The following RGS6 variants were observed in gnomAD, a reference collection of about 807,000 sequenced individuals.
RGS6 encodes regulator of G protein signaling 6, also known as regulator of G-protein signaling 6.
A neutral mutation model predicts 78.5 loss-of-function variants in RGS6; 30 were observed. That is an observed-to-expected ratio of 0.38 (90% confidence interval 0.29 to 0.52). RGS6 has a LOEUF of 0.52. Among genes scored for constraint, RGS6 ranks in the 20% least tolerant of loss-of-function variants. The pLI, the probability that RGS6 is intolerant of heterozygous loss-of-function variation, is 0.85. For synonymous variants in RGS6, 206 were observed against 206.0 expected, an observed-to-expected ratio of 1.00 and a Z score of 0.00; for missense variants, 495 against 609.7, an observed-to-expected ratio of 0.81 and a Z score of 1.98.
chr14:72,186,284 GT>G (rs2097245265), intron 2 of RGS6, among the ~76,000 whole-genome samples: 1 of 152,222 alleles, frequency 6.6e-6, no homozygotes, highest in South Asian at 2.1e-4. Context: ...TTATTTCTAA[GT>G]GTATTTTGCT....
At chr14:72,427,346 T>C (rs1410743701) in intron 3 of RGS6, among the ~76,000 whole-genome samples, 1 of 152,188 alleles carries the variant, frequency 6.6e-6, no homozygotes, top group Non-Finnish European at 1.5e-5. Context: ...AAAAACATAG[T>C]ATATGTAGGA....
chr14:72,333,346 G>A (rs1227469586), intron 2 of RGS6, among the ~76,000 whole-genome samples: 1 of 152,212 alleles, frequency 6.6e-6, no homozygotes, highest in Non-Finnish European at 1.5e-5. Flanking sequence ...GCTCCTGCCT[G>A]AGTCACTGGG....
At chr14:72,577,024 A>T in the RGS6 span, among the ~76,000 whole-genome samples, 1 of 152,198 alleles carries the variant, frequency 6.6e-6, no homozygotes, top group African/African-American at 2.4e-5. Flanking sequence ...GGCTGCAGGA[A>T]GAGGGCCCCA....
At chr14:71,968,919 G>A (rs923831550) in intron 2 of RGS6, among the ~76,000 whole-genome samples, 12 of 152,238 alleles carry the variant, frequency 7.9e-5, no homozygotes, top group African/African-American at 2.6e-4. Flanking sequence ...TTGGTGTGCT[G>A]CACCCATTAA....
chr14:72,399,978 A>G (rs1425946437), intron 3 of RGS6, among the ~76,000 whole-genome samples: 1 of 152,228 alleles, frequency 6.6e-6, no homozygotes, highest in East Asian at 1.9e-4. Context: ...GATATTATCC[A>G]AGAGAACTTC....
intron 2 of RGS6, among the ~76,000 whole-genome samples, chr14:72,297,012 A>G (rs1029468459): frequency 6.6e-6 from 1 of 152,148 alleles, no homozygotes; most frequent in African/African-American, 2.4e-5. Context: ...TAGTCATTCC[A>G]GCTCAATTTC....
intron 2 of RGS6, among the ~76,000 whole-genome samples, chr14:72,316,442 T>A (rs2070239790): frequency 6.6e-6 from 1 of 152,202 alleles, no homozygotes; most frequent in Admixed American, 6.5e-5. Flanking sequence ...TGTGTCCAAG[T>A]GTTCTCATCA....
chr14:72,054,712 T>G (rs377165731), intron 2 of RGS6, among the ~76,000 whole-genome samples: 8 of 152,170 alleles, frequency 5.3e-5, no homozygotes, highest in African/African-American at 1.7e-4. Flanking sequence ...CTCCTTTATC[T>G]TACTCCTTCA....
chr14:71,996,093 G>C (rs1043948120), intron 2 of RGS6, among the ~76,000 whole-genome samples: 1 of 152,070 alleles, frequency 6.6e-6, no homozygotes, highest in African/African-American at 2.4e-5. Flanking sequence ...AGGCAAGAAG[G>C]GCTGCTGAAA....
At chr14:72,254,600 C>T (rs960153355) in intron 2 of RGS6, among the ~76,000 whole-genome samples, 1 of 152,030 alleles carries the variant, frequency 6.6e-6, no homozygotes, top group African/African-American at 2.4e-5. Context: ...TACTGGGAAC[C>T]CCTCTGCAGC....
chr14:72,335,205 C>G (rs1203863239), intron 2 of RGS6, among the ~76,000 whole-genome samples: 4 of 152,138 alleles, frequency 2.6e-5, no homozygotes, highest in African/African-American at 9.7e-5. Flanking sequence ...GTAAATTATC[C>G]AGTCTCAGGT....
At chr14:72,301,206 T>C (rs1416402339) in intron 2 of RGS6, among the ~76,000 whole-genome samples, 1 of 152,138 alleles carries the variant, frequency 6.6e-6, no homozygotes, top group African/African-American at 2.4e-5. Context: ...AGGAAAGATA[T>C]AAAAGAAAAT....
intron 2 of RGS6, among the ~76,000 whole-genome samples, chr14:72,344,569 A>C (rs887264668): frequency 4.6e-5 from 7 of 152,236 alleles, no homozygotes; most frequent in Non-Finnish European, 1.0e-4. Context: ...CTGGAATCCA[A>C]GATAAAGTTC....
chr14:71,899,279 C>G, the RGS6 span, among the ~76,000 whole-genome samples: 1 of 152,208 alleles, frequency 6.6e-6, no homozygotes, highest in Non-Finnish European at 1.5e-5. Flanking sequence ...TGCTGTGTAG[C>G]CTTTGCCACG....
intron 2 of RGS6, among the ~76,000 whole-genome samples, chr14:72,245,133 A>G (rs1471064255): frequency 1.3e-5 from 2 of 152,252 alleles, no homozygotes; most frequent in South Asian, 4.1e-4. Context: ...TCTTAAGTTC[A>G]TTGGCTGGGG....
At chr14:72,108,230 T>C (rs1228563751) in intron 2 of RGS6, among the ~76,000 whole-genome samples, 4 of 152,272 alleles carry the variant, frequency 2.6e-5, no homozygotes, top group South Asian at 2.1e-4. Context: ...TTTTCTTTCA[T>C]TGAGTACCCT....
intron 2 of RGS6, among the ~76,000 whole-genome samples, chr14:72,162,974 C>T (rs1404353755): frequency 6.6e-6 from 1 of 152,152 alleles, no homozygotes; most frequent in Non-Finnish European, 1.5e-5. Flanking sequence ...CATATGTTCT[C>T]ACTCATAAGT....
chr14:72,330,603 C>G (rs1015279826), intron 2 of RGS6, among the ~76,000 whole-genome samples: 1 of 152,218 alleles, frequency 6.6e-6, no homozygotes, highest in Non-Finnish European at 1.5e-5. Flanking sequence ...AGGGCATTAA[C>G]TTTTCATATT....
At chr14:72,422,358 C>A (rs769678737) in intron 3 of RGS6, among the ~76,000 whole-genome samples, 16 of 152,024 alleles carry the variant, frequency 1.1e-4, no homozygotes, top group Non-Finnish European at 1.8e-4. Flanking sequence ...TAATATCAAT[C>A]AACATATATA....
Sources: allele counts gnomAD v4.1 joint callset (sites outside exome capture counted in the v4.1 genomes callset), GRCh38; gene constraint gnomAD v4.1.1; transcripts MANE v1.5; gene names NCBI Gene and HGNC (gene_info 2026-07-23, HGNC 2026-07-21).